SMCO4: variants seen among roughly 807,000 people sequenced by gnomAD.
The protein encoded by SMCO4 is single-pass membrane and coiled-coil domain-containing protein 4.
A neutral mutation model predicts 3.6 loss-of-function variants in SMCO4; 4 were observed. That is an observed-to-expected ratio of 1.11 (90% CI 0.54 to 2.53). The LOEUF is 2.53. Among genes scored for constraint, SMCO4 ranks in the 30% most tolerant of loss-of-function variants. The pLI is 0.02. For missense variants in SMCO4, 70 were observed against 80.8 expected (o/e 0.87, Z 0.51); for synonymous variants, 36 against 35.3 (o/e 1.02, Z -0.07).
chr11:93,534,771 A>G (rs6483251), intron 1 of SMCO4, among the ~76,000 whole-genome samples: 125,893 of 152,094 alleles, frequency 0.83, 52,148 homozygotes, highest in East Asian at 0.88. Flanking sequence ...TGTCCACTGG[A>G]CAGCCCAGCC....
chr11:93,536,787 GA>G (rs1591330822), intron 1 of SMCO4, among the ~76,000 whole-genome samples: 1 of 152,034 alleles, frequency 6.6e-6, no homozygotes, highest in African/African-American at 2.4e-5. Context: ...TATGATTTCA[GA>G]AAAAAAGCAC....
intron 2 of SMCO4, among the ~76,000 whole-genome samples, chr11:93,496,306 C>T (rs1178016068): frequency 6.6e-6 from 1 of 152,064 alleles, no homozygotes; most frequent in Non-Finnish European, 1.5e-5. Flanking sequence ...GGAGAGGCAT[C>T]ATTAGGATTT....
chr11:93,551,485 G>T, the SMCO4 span, among the ~76,000 whole-genome samples: 1 of 152,200 alleles, frequency 6.6e-6, no homozygotes, highest in South Asian at 2.1e-4. Context: ...GCAGAGGCAA[G>T]ACAGGGAGTC....
At chr11:93,516,340 T>C (rs1949007642) in intron 1 of SMCO4, among the ~76,000 whole-genome samples, 1 of 152,204 alleles carries the variant, frequency 6.6e-6, no homozygotes. Context: ...TGCTAAGCTC[T>C]GTTCTTCAGA....
At chr11:93,510,399 C>T (rs1272617758) in intron 1 of SMCO4, among the ~76,000 whole-genome samples, 4 of 152,198 alleles carry the variant, frequency 2.6e-5, no homozygotes, top group Non-Finnish European at 5.9e-5. Context: ...CCTTGACCAA[C>T]CAAGGCCTGG....
chr11:93,522,223 T>C (rs1464169875), intron 1 of SMCO4, among the ~76,000 whole-genome samples: 1 of 152,214 alleles, frequency 6.6e-6, no homozygotes, highest in Non-Finnish European at 1.5e-5. Flanking sequence ...ATATCCGATC[T>C]GTGAAGGGTA....
chr11:93,481,004 C>A (rs1298149146), intron 2 of SMCO4, among the ~76,000 whole-genome samples: 1 of 150,868 alleles, frequency 6.6e-6, no homozygotes. Context: ...GCCATTTGGG[C>A]AAATGTATAA....
At chr11:93,538,200 C>T (rs912297437) in intron 1 of SMCO4, among the ~76,000 whole-genome samples, 6 of 152,200 alleles carry the variant, frequency 3.9e-5, no homozygotes, top group Non-Finnish European at 5.9e-5. Flanking sequence ...CATGGCTTGG[C>T]GCCCCGCAGA....
the SMCO4 span, among the ~76,000 whole-genome samples, chr11:93,551,494 T>TC: frequency 6.6e-6 from 1 of 152,016 alleles, no homozygotes; most frequent in Non-Finnish European, 1.5e-5. Context: ...AGACAGGGAG[T>TC]CCCCAGCTTC....
Position 93,497,021 on chromosome 11 carries a change from A to G in SMCO4, c.-81+2255T>C, listed in dbSNP as rs989406167. Among the ~76,000 whole-genome samples the G allele has an allele frequency of 2.0e-5, 3 of 152,208 alleles. No homozygotes were observed. The East Asian group carries it at 5.8e-4, about 29-fold the overall frequency. The stretch of plus-strand genomic sequence containing the variant: ...GAAGGTCTCTCAACATAAAAAGACC[A>G]GAGATGGTGGCCTGTTTTAGGAAAA... On this transcript the variant is annotated intron_variant, in intron 2 of 2. Coordinates refer to ENST00000298966, the MANE Select transcript of SMCO4 (RefSeq NM_020179.3).
upstream of SMCO4, among the ~76,000 whole-genome samples, chr11:93,545,496 G>A (rs776195248): frequency 2.0e-5 from 3 of 147,732 alleles, no homozygotes; most frequent in African/African-American, 7.5e-5. Context: ...CCTGAGGCAG[G>A]AGAATCACCT....
intron 1 of SMCO4, chr11:93,535,552 A>C: frequency 6.9e-7 from 1 of 1,457,638 alleles, no homozygotes; most frequent in Non-Finnish European, 9.6e-7. Flanking sequence ...GCATCATATC[A>C]CCTTGAAGAA....
chr11:93,480,617 G>C (rs1341419262), intron 2 of SMCO4, among the ~76,000 whole-genome samples: 1 of 152,182 alleles, frequency 6.6e-6, no homozygotes, highest in Non-Finnish European at 1.5e-5. Context: ...GGGGTTCTTG[G>C]AAGCAGAAGA....
chr11:93,551,389 C>T, the SMCO4 span, among the ~76,000 whole-genome samples: 3 of 152,188 alleles, frequency 2.0e-5, no homozygotes, highest in South Asian at 4.2e-4. Context: ...CTCTATGTCT[C>T]GGACAATGAT....
upstream of SMCO4, among the ~76,000 whole-genome samples, chr11:93,546,100 A>G (rs898746586): frequency 6.6e-6 from 1 of 152,256 alleles, no homozygotes; most frequent in Non-Finnish European, 1.5e-5. Context: ...GTGGTTTGTT[A>G]TACAGTAATA....
At chr11:93,521,891 T>C (rs1949060944) in intron 1 of SMCO4, among the ~76,000 whole-genome samples, 1 of 152,184 alleles carries the variant, frequency 6.6e-6, no homozygotes, top group South Asian at 2.1e-4. Context: ...TTTTGATCAT[T>C]GATCCACAGT....
chr11:93,479,741 A>C (rs995684016), intron 2 of SMCO4, among the ~76,000 whole-genome samples: 1 of 152,152 alleles, frequency 6.6e-6, no homozygotes, highest in Non-Finnish European at 1.5e-5. Context: ...CAGCCTCATT[A>C]AGGCTGCAGA....
chr11:93,489,996 G>A (rs979746197), intron 2 of SMCO4, among the ~76,000 whole-genome samples: 2 of 152,214 alleles, frequency 1.3e-5, no homozygotes, highest in East Asian at 3.8e-4. Context: ...AAAGCAGCCC[G>A]GGTAAGTGCA....
intron 2 of SMCO4, among the ~76,000 whole-genome samples, chr11:93,485,213 G>C (rs1282425466): frequency 1.3e-5 from 2 of 152,110 alleles, no homozygotes; most frequent in Non-Finnish European, 2.9e-5. Flanking sequence ...ATGCAGTCAG[G>C]GGCTCACACT....
Sources: allele counts gnomAD v4.1 joint callset (sites outside exome capture counted in the v4.1 genomes callset), GRCh38; gene constraint gnomAD v4.1.1; transcripts MANE v1.5; gene names NCBI Gene and HGNC (gene_info 2026-07-23, HGNC 2026-07-21).